ATP10B: variants seen among roughly 807,000 people sequenced by gnomAD.
ATP10B encodes the protein phospholipid-transporting ATPase VB.
Under a neutral mutation model 141.2 loss-of-function variants are expected in ATP10B, and 122 were observed. That is an observed-to-expected ratio of 0.86 (90% CI 0.75 to 1.00). The LOEUF (loss-of-function observed/expected upper bound fraction) is 1.00. Among genes scored for constraint, ATP10B ranks in the 50% least tolerant of loss-of-function variants. ATP10B has a pLI of 0.00. For synonymous variants in ATP10B, 685 were observed against 692.0 expected, an observed-to-expected ratio of 0.99 and a Z score of 0.16; for missense variants, 1,876 against 1,825.3, an observed-to-expected ratio of 1.03 and a Z score of -0.51.
rs187600466 is a variant in ATP10B at position 160,821,042 on chromosome 5, G to A, written c.-576+30899C>T. Among the ~76,000 whole-genome samples, 101 of 152,110 alleles carry A rather than the reference G, an allele frequency of 6.6e-4. No homozygotes were observed. The South Asian group carries it at 0.016, about 24-fold the overall frequency. On this transcript the variant is annotated intron_variant, in intron 1 of 25. Coordinates refer to ENST00000327245, the MANE Select transcript of ATP10B (RefSeq NM_025153.3). ...ATCAGACAAGGGAAAGAAACCAAGC[G>A]CATCCAAATTGGAAAGGAAGAAGTC...
intron 16 of ATP10B, 137 bp from the exon 17 acceptor site, chr5:160,616,101 A>AT (rs113179038): frequency 0.77 from 646,531 of 838,194 alleles, 249,045 homozygotes; most frequent in African/African-American, 0.83. Context: ...CTTCTCAAAG[A>AT]CTTTTTTTTA....
the ATP10B span, among the ~76,000 whole-genome samples, chr5:160,882,217 T>C: frequency 1.3e-5 from 2 of 152,144 alleles, no homozygotes; most frequent in East Asian, 3.9e-4. Context: ...ACAAAGAAAG[T>C]ACAATACCAA....
Position 160,584,618 on chromosome 5 carries a change from G to A in ATP10B, c.3750+4974C>T, listed in dbSNP as rs542823859. ...AAAAACTGAACTCTTATGGAAAAAT[G>A]TATAGTTAAATGTGTATTTTTATTC... On this transcript the variant is annotated intron_variant, in intron 24 of 25. Coordinates refer to ENST00000327245, the MANE Select transcript of ATP10B (RefSeq NM_025153.3). 2.8e-4 allele frequency among the ~76,000 whole-genome samples: 43 copies of A among 152,222 alleles called. No homozygotes were observed. The South Asian group carries it at 7.9e-3, about 28-fold the overall frequency.
At chr5:160,913,358 CTCT>C in the ATP10B span, among the ~76,000 whole-genome samples, 3 of 152,086 alleles carry the variant, frequency 2.0e-5, no homozygotes, top group Non-Finnish European at 2.9e-5. Context: ...CTTCTGGCTC[CTCT>C]TATTTCCTTC....
chr5:160,694,520 C>G (rs1308948306), intron 3 of ATP10B, among the ~76,000 whole-genome samples: 1 of 152,198 alleles, frequency 6.6e-6, no homozygotes, highest in Non-Finnish European at 1.5e-5. Flanking sequence ...TATGGGGGAC[C>G]TTTAGCCTAA....
chr5:160,686,176 C>T lies in ATP10B; in HGVS notation c.373G>A (p.Val125Ile). 1 of 1,613,336 alleles carries T rather than the reference C, an allele frequency of 6.2e-7. No individual in the cohort carries two copies. Among genetic ancestry groups the T allele is most frequent in the Non-Finnish European group, 8.5e-7 (1 of 1,179,478 alleles). Reference sequence around the variant, plus strand: ...TCCTTGATCATGATGACGAACAGGACAATGGCCAATGGTAACATGGTGATT... The same window carrying T: ...TCCTTGATCATGATGACGAACAGGATAATGGCCAATGGTAACATGGTGATT... ...REITMLPLAI[V>I]LFVIMIKDGM... The change falls in exon 6 of 26, where the codon GTC (valine) becomes ATC (isoleucine). Residue 125 changes from valine to isoleucine, a missense_variant. Val to Ile is a conservative substitution (Grantham distance 29). Transcript: ENST00000327245.
chr5:160,907,836 C>T, the ATP10B span, among the ~76,000 whole-genome samples: 1 of 152,304 alleles, frequency 6.6e-6, no homozygotes, highest in Non-Finnish European at 1.5e-5. Flanking sequence ...TTCAGCCTCC[C>T]TTGCATTTAG....
At chr5:160,760,095 C>T (rs1768921808) in intron 2 of ATP10B, among the ~76,000 whole-genome samples, 1 of 152,114 alleles carries the variant, frequency 6.6e-6, no homozygotes, top group Admixed American at 6.6e-5. Flanking sequence ...ATATGGCTCC[C>T]CAAATCTGAA....
intron 1 of ATP10B, among the ~76,000 whole-genome samples, chr5:160,793,803 T>C (rs751144742): frequency 6.6e-6 from 1 of 152,236 alleles, no homozygotes; most frequent in Non-Finnish European, 1.5e-5. Flanking sequence ...AAGTGTACCA[T>C]TAAAAATGTT....
intron 2 of ATP10B, 62 bp from the exon 3 acceptor site, chr5:160,717,096 A>G (rs1765708694): frequency 2.1e-6 from 2 of 960,162 alleles, no homozygotes; most frequent in South Asian, 9.6e-5. Flanking sequence ...AATGCTATTT[A>G]TATAAGGTTT....
chr5:160,881,798 A>G, the ATP10B span, among the ~76,000 whole-genome samples: 115,074 of 151,972 alleles, frequency 0.76, 44,580 homozygotes, highest in East Asian at 0.98. Context: ...GTGACAGAGC[A>G]AGACTCCATC....
At chr5:160,654,371 C>T (rs1217345902) in intron 7 of ATP10B, among the ~76,000 whole-genome samples, 1 of 152,130 alleles carries the variant, frequency 6.6e-6, no homozygotes, top group Non-Finnish European at 1.5e-5. Context: ...AGCAGCTCGC[C>T]TAACTGGACA....
intron 1 of ATP10B, among the ~76,000 whole-genome samples, chr5:160,845,914 A>G (rs1436105344): frequency 5.3e-5 from 8 of 152,272 alleles, no homozygotes; most frequent in African/African-American, 1.7e-4. Flanking sequence ...TCTTTTCCCT[A>G]TCTTATATGA....
At chr5:160,573,750 G>C (rs1755019899) in intron 24 of ATP10B, among the ~76,000 whole-genome samples, 1 of 152,052 alleles carries the variant, frequency 6.6e-6, no homozygotes, top group South Asian at 2.1e-4. Context: ...TGTCTTCTGT[G>C]GTCCCTGGTG....
chr5:160,571,163 T>C (rs1754852744), intron 24 of ATP10B, among the ~76,000 whole-genome samples: 2 of 152,162 alleles, frequency 1.3e-5, no homozygotes, highest in Admixed American at 6.5e-5. Context: ...TTTCATTCCC[T>C]CTCTCATTTC....
chr5:160,909,797 G>GA, the ATP10B span, among the ~76,000 whole-genome samples: 3 of 152,138 alleles, frequency 2.0e-5, no homozygotes, highest in Admixed American at 6.5e-5. Context: ...AAGAACTCGG[G>GA]AAAAATCACA....
chr5:160,760,346 C>T (rs1215977843), intron 2 of ATP10B, among the ~76,000 whole-genome samples: 2 of 152,102 alleles, frequency 1.3e-5, no homozygotes, highest in African/African-American at 2.4e-5. Context: ...TTCCTTAAGA[C>T]CTTGCTTCCT....
chr5:160,858,694 T>C, the ATP10B span, among the ~76,000 whole-genome samples: 1 of 150,174 alleles, frequency 6.7e-6, no homozygotes, highest in Non-Finnish European at 1.5e-5. Flanking sequence ...GTTTGAACAG[T>C]TTTTTAGAAT....
intron 3 of ATP10B, among the ~76,000 whole-genome samples, chr5:160,715,763 G>C (rs1765602268): frequency 6.6e-6 from 1 of 151,350 alleles, no homozygotes; most frequent in Non-Finnish European, 1.5e-5. Flanking sequence ...CCAGGCTGGA[G>C]TGCAGTGGTG....
Sources: gnomAD v4.1 joint callset for allele counts (sites outside exome capture counted in the v4.1 genomes callset) on GRCh38, gnomAD v4.1.1 for gene constraint, MANE v1.5 for transcripts, NCBI Gene and HGNC (gene_info 2026-07-23, HGNC 2026-07-21) for gene names.